GPR107: variants seen among roughly 807,000 people sequenced by gnomAD.
GPR107 encodes protein GPR107.
In GPR107, 31 loss-of-function variants were observed where a neutral mutation model predicts 75.5. The ratio of observed to expected loss-of-function variants is 0.41; its 90% CI spans 0.31 to 0.55. GPR107 has a LOEUF of 0.55. Ranked by LOEUF, GPR107 falls within the 20% of genes least tolerant of loss-of-function variation. GPR107 has a pLI of 0.26. For synonymous variants in GPR107, 267 were observed against 251.3 expected (o/e 1.06, Z -0.59); for missense variants, 572 against 665.7 (o/e 0.86, Z 1.55).
At chr9:130,073,557 A>C (rs1212652131) in intron 1 of GPR107, among the ~76,000 whole-genome samples, 1 of 152,130 alleles carries the variant, frequency 6.6e-6, no homozygotes, top group African/African-American at 2.4e-5. Context: ...ACTCCAGCCC[A>C]CCAGGAAGTG....
At chr9:130,087,074 G>A (rs1047483262) in intron 7 of GPR107, among the ~76,000 whole-genome samples, 3 of 152,072 alleles carry the variant, frequency 2.0e-5, no homozygotes, top group Non-Finnish European at 4.4e-5. Flanking sequence ...GTCTCACTCT[G>A]TTGCCCAGGC....
At chr9:130,102,061 G>T (rs999644121) in intron 12 of GPR107, among the ~76,000 whole-genome samples, 2 of 152,204 alleles carry the variant, frequency 1.3e-5, no homozygotes, top group African/African-American at 2.4e-5. Flanking sequence ...AATGGGACAG[G>T]CCAGTTGCTC....
Position 130,136,352 on chromosome 9 carries a change from G to A in GPR107, c.*1231G>A, listed in dbSNP as rs2132666048. ...ACTCAGAGAGAAAATCATCTGAATA[G>A]TAGGACAAGCTCAGAAGGTACATTG... On this transcript the variant is annotated 3_prime_UTR_variant, in exon 18 of 18. Transcript: ENST00000347136. 6.6e-6 allele frequency: 1 copy of A among 152,368 alleles called. No homozygotes were observed. The highest frequency in any genetic ancestry group is 2.4e-5 in the African/African-American group (1 of 41,578). The allele number at this position is 152,368 out of a possible 1,614,324, so 9.4% of individuals were successfully genotyped here.
intron 13 of GPR107, among the ~76,000 whole-genome samples, chr9:130,105,329 C>T (rs961925266): frequency 3.3e-5 from 5 of 151,986 alleles, no homozygotes; most frequent in African/African-American, 1.2e-4. Flanking sequence ...TCTCGGCCCA[C>T]TGCAACCTCT....
intron 14 of GPR107, chr9:130,110,255 C>T (rs1393716311): frequency 2.9e-6 from 2 of 683,266 alleles, no homozygotes; most frequent in Admixed American, 4.3e-5. Flanking sequence ...GCAGGTGAGG[C>T]AGCATGGGGT....
chr9:130,112,897 G>T lies in GPR107; in HGVS notation c.1306+5358G>T, dbSNP rs760742024. Among the ~76,000 whole-genome samples the T allele has an allele frequency of 5.9e-5, 9 of 151,960 alleles. No individual in the cohort carries two copies. The highest frequency in any genetic ancestry group is 8.8e-5 in the Non-Finnish European group (6 of 67,984). On this transcript the variant is annotated intron_variant, in intron 14 of 17. Transcript: ENST00000347136. This position sits in a 1 kb window ranked among gnomAD's most constrained non-coding sequence, Gnocchi z 4.0. Reference sequence around the variant, plus strand: ...TCAAAGTAGCTAGGACTACAGGCGTGTGCTGCTATGCCTGGCTAATTTTTG... The same window carrying T: ...TCAAAGTAGCTAGGACTACAGGCGTTTGCTGCTATGCCTGGCTAATTTTTG...
intron 1 of GPR107, among the ~76,000 whole-genome samples, chr9:130,059,662 T>G (rs1431400619): frequency 2.0e-5 from 3 of 151,908 alleles, no homozygotes; most frequent in African/African-American, 7.3e-5. Flanking sequence ...TCATTGGTCA[T>G]AAATGGATTG....
chr9:130,080,756 G>A (rs1186638591), intron 5 of GPR107, among the ~76,000 whole-genome samples: 1 of 151,684 alleles, frequency 6.6e-6, no homozygotes, highest in Admixed American at 6.6e-5. Context: ...CTCCCAAAGT[G>A]CTGGGATTAC....
chr9:130,090,631 G>A (rs1042883624), intron 7 of GPR107, among the ~76,000 whole-genome samples: 1 of 152,088 alleles, frequency 6.6e-6, no homozygotes, highest in Non-Finnish European at 1.5e-5. Context: ...ACAAAATATC[G>A]GAAGGGAATC....
chr9:130,087,164 A>G (rs1830632846), intron 7 of GPR107, among the ~76,000 whole-genome samples: 1 of 151,910 alleles, frequency 6.6e-6, no homozygotes, highest in Non-Finnish European at 1.5e-5. Context: ...CAGCCTCCCA[A>G]GTAGTTGAGA....
chr9:130,081,679 AAAAAAC>A (rs1451496890), intron 5 of GPR107, among the ~76,000 whole-genome samples: 32 of 151,448 alleles, frequency 2.1e-4, no homozygotes, highest in African/African-American at 7.7e-4. Context: ...CTCAAAAAAA[AAAAAAC>A]AAAAAACAAA....
intron 9 of GPR107, among the ~76,000 whole-genome samples, chr9:130,092,928 T>A (rs1366136900): frequency 1.3e-5 from 2 of 152,134 alleles, no homozygotes; most frequent in Non-Finnish European, 2.9e-5. Context: ...CCTAAATATT[T>A]TTAATGGTAT....
At chr9:130,082,020 G>A (rs1012386637) in intron 5 of GPR107, among the ~76,000 whole-genome samples, 4 of 152,208 alleles carry the variant, frequency 2.6e-5, no homozygotes, top group African/African-American at 9.6e-5. Flanking sequence ...GCAAGAAGGA[G>A]CAGGCAGGTC....
intron 14 of GPR107, among the ~76,000 whole-genome samples, chr9:130,108,347 G>A (rs1652972799): frequency 1.3e-5 from 2 of 152,198 alleles, no homozygotes; most frequent in South Asian, 4.1e-4. Context: ...CTCTATTTCT[G>A]ATTATAAAGC....
chr9:130,086,079 G>A (rs959067794), intron 6 of GPR107, among the ~76,000 whole-genome samples: 4 of 152,008 alleles, frequency 2.6e-5, no homozygotes, highest in Non-Finnish European at 5.9e-5. Flanking sequence ...TGTCAGGAGT[G>A]GAATTCAGGG....
At position 130,063,954 on chromosome 9, in the gene GPR107, G is replaced by A. The variant is rs368124607; in HGVS notation, c.141+9881G>A. ...CAAGTAGCTGGGACTACAGGCATGC[G>A]GCACCATGCCCAGCTAATTTTTGTA... is the stretch of plus-strand genomic sequence containing the variant. On this transcript the variant is annotated intron_variant, in intron 1 of 17. Transcript: ENST00000347136. Among the ~76,000 whole-genome samples, 54 of 151,352 alleles carry A rather than the reference G, an allele frequency of 3.6e-4. No individual in the cohort carries two copies. In the East Asian group the frequency reaches 8.6e-3, roughly 24 times the overall value.
intron 14 of GPR107, among the ~76,000 whole-genome samples, chr9:130,114,977 C>G (rs533768738): frequency 3.3e-5 from 5 of 152,292 alleles, no homozygotes; most frequent in African/African-American, 9.6e-5. Context: ...CCAAAGAACT[C>G]TGTTGTATCT....
intron 16 of GPR107, 107 bp downstream of exon 16, chr9:130,127,673 C>A: frequency 1.5e-6 from 1 of 653,040 alleles, no homozygotes; most frequent in South Asian, 1.8e-5. Context: ...ACCACTAAGA[C>A]CTTCCATCTC....
At chr9:130,134,039 A>G (rs143696532) in intron 17 of GPR107, among the ~76,000 whole-genome samples, 1 of 152,302 alleles carries the variant, frequency 6.6e-6, no homozygotes, top group African/African-American at 2.4e-5. Flanking sequence ...GTCCTTGGAA[A>G]GAGCCTGTTG....
Sources: gnomAD v4.1 joint callset for allele counts (sites outside exome capture counted in the v4.1 genomes callset) on GRCh38, gnomAD v4.1.1 for gene constraint, Gnocchi (gnomAD v3.1) non-coding constraint, MANE v1.5 for transcripts, NCBI Gene and HGNC (gene_info 2026-07-23, HGNC 2026-07-21) for gene names.